TTC6: variants seen among roughly 807,000 people sequenced by gnomAD.
TTC6 encodes tetratricopeptide repeat domain 6.
TTC6 carries 172 observed loss-of-function variants against 210.4 expected under a neutral mutation model. That is an observed-to-expected ratio of 0.82 (90% CI 0.72 to 0.93). TTC6 has a LOEUF of 0.93. TTC6 is among the 40% of genes least tolerant of loss of function. The pLI, the probability that TTC6 is intolerant of heterozygous loss-of-function variation, is 0.00. For synonymous variants in TTC6, 804 were observed against 819.6 expected (o/e 0.98, Z 0.32); for missense variants, 2,414 against 2,318.1 (o/e 1.04, Z -0.85).
chr14:37,623,755 G>C (rs2095655577), intron 1 of TTC6, among the ~76,000 whole-genome samples: 1 of 152,324 alleles, frequency 6.6e-6, no homozygotes, highest in Admixed American at 6.5e-5. Context: ...CACTGAGCTG[G>C]AACCATGCCC....
chr14:37,806,101 A>C (rs973012089), intron 21 of TTC6, among the ~76,000 whole-genome samples: 1 of 152,328 alleles, frequency 6.6e-6, no homozygotes, highest in Middle Eastern at 3.4e-3. Context: ...AATAATTAAA[A>C]TTATACCACC....
intron 8 of TTC6, among the ~76,000 whole-genome samples, chr14:37,737,047 T>C (rs1287683709): frequency 6.6e-6 from 1 of 152,158 alleles, no homozygotes; most frequent in African/African-American, 2.4e-5. Context: ...TGTAAGCCAC[T>C]GGATCTGGTC....
chr14:37,802,686 T>C (rs1284153973), intron 20 of TTC6, among the ~76,000 whole-genome samples: 1 of 151,958 alleles, frequency 6.6e-6, no homozygotes, highest in Non-Finnish European at 1.5e-5. Flanking sequence ...CGAATGCACC[T>C]CTGGTTTGGA....
At chr14:37,696,635 A>T in intron 3 of TTC6, 82 bp from the exon 6 acceptor site, 1 of 565,374 alleles carries the variant, frequency 1.8e-6, no homozygotes, top group Non-Finnish European at 2.8e-6. Context: ...TTTAAATATT[A>T]GGTGACTCGC....
intron 9 of TTC6, 23 bp downstream of exon 11, chr14:37,737,757 ACT>A (rs1294762753): frequency 7.5e-7 from 1 of 1,340,042 alleles, no homozygotes; most frequent in Non-Finnish European, 1.0e-6. Flanking sequence ...TACAGTTTTT[ACT>A]CTCTAAAAGA....
At chr14:37,768,323 T>A (rs1260930986) in intron 14 of TTC6, among the ~76,000 whole-genome samples, 1 of 151,564 alleles carries the variant, frequency 6.6e-6, no homozygotes, top group Non-Finnish European at 1.5e-5. Context: ...AGTAGTTTTT[T>A]CCAATTCTGT....
chr14:37,734,216 A>G (rs769692028), intron 7 of TTC6, among the ~76,000 whole-genome samples: 18 of 152,198 alleles, frequency 1.2e-4, no homozygotes, highest in Non-Finnish European at 2.1e-4. Context: ...GATAGAACCC[A>G]GACTAAAAGT....
chr14:37,725,312 GTATATA>G (rs1169644241), intron 7 of TTC6, among the ~76,000 whole-genome samples: 398 of 33,860 alleles, frequency 0.012, 4 homozygotes, highest in African/African-American at 0.028. Flanking sequence ...GTGTGTGTGT[GTATATA>G]TATATATATA....
chr14:37,839,466 A>G (rs1201934591), intron 29 of TTC6, among the ~76,000 whole-genome samples: 3 of 152,116 alleles, frequency 2.0e-5, no homozygotes, highest in Non-Finnish European at 2.9e-5. Context: ...GTCTGTTCAT[A>G]TCCTTCACCC....
intron 2 of TTC6, 45 bp from the exon 5 acceptor site, chr14:37,682,713 A>G: frequency 6.7e-7 from 1 of 1,489,548 alleles, no homozygotes; most frequent in Non-Finnish European, 9.0e-7. Flanking sequence ...GCCTAGAAGG[A>G]CCAATAAAAA....
At chr14:37,775,344 A>G (rs531609459) in intron 14 of TTC6, among the ~76,000 whole-genome samples, 1 of 152,198 alleles carries the variant, frequency 6.6e-6, no homozygotes, top group Non-Finnish European at 1.5e-5. Context: ...CATCTTCCTA[A>G]GTTTCTAATG....
At chr14:37,726,749 A>T (rs568965105) in intron 7 of TTC6, among the ~76,000 whole-genome samples, 3 of 151,766 alleles carry the variant, frequency 2.0e-5, no homozygotes, top group South Asian at 4.2e-4. Context: ...GATAATTAAA[A>T]TTTTTTCTTT....
Position 37,749,322 on chromosome 14 carries a change from C to A in TTC6, c.2747C>A (p.Pro916His), listed in dbSNP as rs1206008904. ...GAAATAAATGATAAGACAAAATATC[C>A]TGCATTTGCATATTGTAGGCGTGGA... is the stretch of plus-strand genomic sequence containing the variant. The change falls in exon 11 of 31, where the codon CCT becomes CAT. Residue 916 changes from proline to histidine, a missense_variant. By Grantham distance (77) the Pro-to-His change is moderately conservative (BLOSUM62 -2). Transcript: ENST00000553443. The A allele has an allele frequency of 2.6e-6, 4 of 1,513,578 alleles. No individual in the cohort carries two copies. The Admixed American group carries it at 8.4e-5, about 32-fold the overall frequency. 93.8% of individuals were successfully genotyped at this position (1,513,578 alleles called of 1,614,324 possible).
At chr14:37,633,088 C>A (rs1405516178) in intron 1 of TTC6, among the ~76,000 whole-genome samples, 2 of 152,156 alleles carry the variant, frequency 1.3e-5, no homozygotes, top group East Asian at 3.9e-4. Context: ...CTGAGCGAGA[C>A]CACTTGGCTC....
At chr14:37,769,001 T>G (rs2139162571) in intron 14 of TTC6, among the ~76,000 whole-genome samples, 1 of 152,314 alleles carries the variant, frequency 6.6e-6, no homozygotes, top group Admixed American at 6.5e-5. Flanking sequence ...ATTGAGAGTT[T>G]TTAGCAAGAA....
intron 6 of TTC6, among the ~76,000 whole-genome samples, chr14:37,715,550 G>A (rs1420918571): frequency 6.6e-6 from 1 of 151,956 alleles, no homozygotes. Flanking sequence ...AGCAAAGAAA[G>A]TTCTCAGAGA....
chr14:37,657,786 C>T (rs745816318), intron 1 of TTC6, among the ~76,000 whole-genome samples: 2 of 152,076 alleles, frequency 1.3e-5, no homozygotes, highest in Non-Finnish European at 2.9e-5. Context: ...TTCAAACAAC[C>T]TGGTATGAAA....
intron 29 of TTC6, among the ~76,000 whole-genome samples, chr14:37,831,725 A>T: frequency 6.7e-6 from 1 of 148,896 alleles, no homozygotes; most frequent in Non-Finnish European, 1.5e-5. Context: ...TTTTTTATAG[A>T]TCTGTTGGCC....
At chr14:37,759,335 T>C (rs1427061693) in intron 14 of TTC6, among the ~76,000 whole-genome samples, 1 of 151,966 alleles carries the variant, frequency 6.6e-6, no homozygotes, top group Non-Finnish European at 1.5e-5. Context: ...GCCACCCCAC[T>C]CTCTTCTGGC....
Sources: gnomAD v4.1 joint callset for allele counts (sites outside exome capture counted in the v4.1 genomes callset) on GRCh38, gnomAD v4.1.1 for gene constraint, MANE v1.5 for transcripts, NCBI Gene and HGNC (gene_info 2026-07-23, HGNC 2026-07-21) for gene names.